Variants in ATF7 observed in about 807,000 individuals in gnomAD.
ATF7 encodes activating transcription factor 7.
A neutral mutation model predicts 50.4 loss-of-function variants in ATF7; 10 were observed. The observed-to-expected ratio is 0.20, with a 90% CI of 0.12 to 0.34. ATF7 has a LOEUF of 0.34. Ranked by LOEUF, ATF7 falls within the 10% of genes least tolerant of loss-of-function variation. The pLI is 1.00. For synonymous variants in ATF7, 201 were observed against 226.4 expected (o/e 0.89, Z 1.01); for missense variants, 465 against 613.9 (o/e 0.76, Z 2.56).
intron 4 of ATF7, among the ~76,000 whole-genome samples, chr12:53,539,031 C>T (rs1447556207): frequency 1.3e-5 from 2 of 152,142 alleles, no homozygotes; most frequent in African/African-American, 2.4e-5. Flanking sequence ...AGCAAAGCTG[C>T]GGTTCAGCAA....
intron 3 of ATF7, among the ~76,000 whole-genome samples, chr12:53,549,576 T>C (rs1230260294): frequency 2.0e-5 from 3 of 151,968 alleles, no homozygotes; most frequent in Admixed American, 1.3e-4. Context: ...GCTAATTTTG[T>C]ATTTTTTTTG....
rs1292415624 is a variant in ATF7, at chr12:53,512,730, A to G, written c.*4407T>C. The G allele has an allele frequency of 2.6e-5, 4 of 152,226 alleles. No homozygotes were observed. Among genetic ancestry groups the G allele is most frequent in the Non-Finnish European group, 4.4e-5 (3 of 68,040 alleles). The allele number at this position is 152,226 out of a possible 1,614,324, so 9.4% of individuals were successfully genotyped here. ...ACAAATCTAGCTTTTGAGATCAGTG[A>G]TATGATGGGGAAGACTTTAAAGGGA... On this transcript the variant is annotated 3_prime_UTR_variant, in exon 12 of 12. Transcript: ENST00000420353.
Position 53,582,009 on chromosome 12 carries a change from G to T in ATF7, c.48+18944C>A, listed in dbSNP as rs551449152. 1.2e-4 allele frequency among the ~76,000 whole-genome samples: 18 copies of T among 151,374 alleles called. No individual in the cohort carries two copies. The East Asian group carries it at 3.1e-3, about 26-fold the overall frequency. On this transcript the variant is annotated intron_variant, in intron 2 of 11. Coordinates refer to ENST00000420353, the MANE Select transcript of ATF7 (RefSeq NM_006856.3). Reference sequence around the variant, plus strand: ...ATGGTGGTGCTCAGGAGGCTGAGGCGGGAAAATCATTTGAACTGAGGAGTC... The same window carrying T: ...ATGGTGGTGCTCAGGAGGCTGAGGCTGGAAAATCATTTGAACTGAGGAGTC...
At chr12:53,535,503 G>A (rs530369714) in intron 5 of ATF7, among the ~76,000 whole-genome samples, 1 of 152,132 alleles carries the variant, frequency 6.6e-6, no homozygotes, top group Non-Finnish European at 1.5e-5. Flanking sequence ...ATTGAAAGAA[G>A]GAGGAAGCAT....
intron 4 of ATF7, 23 bp downstream of exon 4, chr12:53,543,307 T>C (rs1939684596): frequency 1.3e-6 from 2 of 1,561,948 alleles, no homozygotes; most frequent in Non-Finnish European, 1.7e-6. Context: ...CACCAGTTTT[T>C]TGGCAACAGT....
At chr12:53,565,562 G>T (rs1941404386) in intron 2 of ATF7, among the ~76,000 whole-genome samples, 1 of 152,002 alleles carries the variant, frequency 6.6e-6, no homozygotes, top group Non-Finnish European at 1.5e-5. Flanking sequence ...GCATGATATT[G>T]GCTAACTGCA....
intron 11 of ATF7, 131 bp from the exon 12 acceptor site, chr12:53,517,485 A>G (rs375812532): frequency 3.5e-6 from 3 of 869,046 alleles, no homozygotes; most frequent in East Asian, 2.7e-5. Flanking sequence ...TTTTTTGGGG[A>G]AAACTTCCCA....
intron 2 of ATF7, among the ~76,000 whole-genome samples, chr12:53,583,194 G>C (rs576311674): frequency 2.2e-4 from 34 of 152,282 alleles, no homozygotes; most frequent in African/African-American, 7.5e-4. Flanking sequence ...CAGCAGGCAA[G>C]TGAGTGAAGC....
downstream of ATF7, among the ~76,000 whole-genome samples, chr12:53,510,164 C>T (rs1034500584): frequency 1.1e-4 from 17 of 151,896 alleles, no homozygotes; most frequent in South Asian, 6.2e-4. Flanking sequence ...CTCAACCTCC[C>T]GAGTAGCTGG....
intron 3 of ATF7, among the ~76,000 whole-genome samples, chr12:53,546,989 T>TC (rs1485344115): frequency 7.4e-6 from 1 of 135,658 alleles, no homozygotes; most frequent in African/African-American, 3.3e-5. Context: ...TTTTTTTTTT[T>TC]TTTTTTTTTC....
intron 1 of ATF7, among the ~76,000 whole-genome samples, chr12:53,615,437 G>A (rs578161836): frequency 6.6e-6 from 1 of 152,160 alleles, no homozygotes; most frequent in African/African-American, 2.4e-5. Context: ...AGTCATGTTG[G>A]TACCAGAAAT....
chr12:53,520,784 A>G (rs114449261), intron 11 of ATF7, among the ~76,000 whole-genome samples: 2 of 152,164 alleles, frequency 1.3e-5, no homozygotes, highest in African/African-American at 4.8e-5. Context: ...TTAAGCCAGA[A>G]ACTTTGGTGT....
In ATF7 at chr12:53,516,931, C is replaced by A. The variant is rs1343819095; in HGVS notation, c.*206G>T. ...CCACCCTGGGGGATGATCTATGAGG[C>A]TCCGGGGCTGGGAGGCCCCCAGCAC... On this transcript the variant is annotated 3_prime_UTR_variant, in exon 12 of 12. Transcript: ENST00000420353. 4.9e-6 allele frequency: 3 copies of A among 617,740 alleles called. No individual in the cohort carries two copies. The East Asian group carries it at 8.5e-5, about 17-fold the overall frequency. The allele number at this position is 617,740 out of a possible 1,614,324, so 38.3% of individuals were successfully genotyped here.
intron 1 of ATF7, among the ~76,000 whole-genome samples, chr12:53,612,966 T>G (rs1321788601): frequency 6.6e-6 from 1 of 151,882 alleles, no homozygotes; most frequent in Non-Finnish European, 1.5e-5. Context: ...CTCACAGCAC[T>G]GCACTCCAGC....
intron 2 of ATF7, among the ~76,000 whole-genome samples, chr12:53,579,583 G>A (rs988641302): frequency 6.6e-6 from 1 of 151,448 alleles, no homozygotes; most frequent in African/African-American, 2.4e-5. Flanking sequence ...TGGAGTGTGC[G>A]TAATTGTGTT....
chr12:53,518,051 G>A (rs992535234), intron 11 of ATF7, among the ~76,000 whole-genome samples: 3 of 151,790 alleles, frequency 2.0e-5, no homozygotes, highest in African/African-American at 7.3e-5. Context: ...TTTTAGTAGA[G>A]ATGGGGTTTT....
At chr12:53,535,806 C>T (rs1939185375) in intron 5 of ATF7, among the ~76,000 whole-genome samples, 2 of 152,142 alleles carry the variant, frequency 1.3e-5, no homozygotes, top group South Asian at 4.1e-4. Context: ...TTTTCTTTCT[C>T]ACTTATTAAT....
chr12:53,602,964 T>TG (rs1209150472), intron 1 of ATF7, among the ~76,000 whole-genome samples: 1 of 152,192 alleles, frequency 6.6e-6, no homozygotes, highest in Non-Finnish European at 1.5e-5. Context: ...CTAACTCCTG[T>TG]GCTAGAGAAA....
At chr12:53,604,502 T>C (rs1211351289) in intron 1 of ATF7, among the ~76,000 whole-genome samples, 2 of 152,206 alleles carry the variant, frequency 1.3e-5, no homozygotes, top group Non-Finnish European at 2.9e-5. Context: ...AGTCTGTCAC[T>C]GAGGACTACA....
Sources: gnomAD v4.1 joint callset for allele counts (sites outside exome capture counted in the v4.1 genomes callset) on GRCh38, gnomAD v4.1.1 for gene constraint, MANE v1.5 for transcripts, NCBI Gene and HGNC (gene_info 2026-07-23, HGNC 2026-07-21) for gene names.